Variants in PDE4D observed in about 807,000 individuals in gnomAD.
PDE4D encodes the protein phosphodiesterase 4D.
In PDE4D, 24 loss-of-function variants were observed where a neutral mutation model predicts 87.4. That is an observed-to-expected ratio of 0.27 (90% CI 0.20 to 0.39). PDE4D has a LOEUF of 0.39. Among genes scored for constraint, PDE4D ranks in the 10% least tolerant of loss-of-function variants. PDE4D has a pLI of 1.00. For synonymous variants in PDE4D, 384 were observed against 383.2 expected (o/e 1.00, Z -0.02); for missense variants, 714 against 1,041.0 (o/e 0.69, Z 4.32).
chr5:59,078,179 G>A (rs1428343139), intron 5 of PDE4D, among the ~76,000 whole-genome samples: 1 of 152,048 alleles, frequency 6.6e-6, no homozygotes, highest in African/African-American at 2.4e-5. Flanking sequence ...AGTATGGTTT[G>A]CAATATTAAA....
intron 1 of PDE4D, among the ~76,000 whole-genome samples, chr5:59,425,705 T>C (rs1795100282): frequency 1.3e-5 from 2 of 152,210 alleles, no homozygotes; most frequent in African/African-American, 4.8e-5. Flanking sequence ...CTTGTTTTTC[T>C]TTGGTACAGA....
chr5:59,604,742 T>A (rs528532694), intron 1 of PDE4D, among the ~76,000 whole-genome samples: 9 of 152,066 alleles, frequency 5.9e-5, no homozygotes, highest in African/African-American at 2.2e-4. Flanking sequence ...CGTTTAAGAT[T>A]TTTTTTAAAA....
intron 1 of PDE4D, among the ~76,000 whole-genome samples, chr5:59,269,837 T>G (rs1280127449): frequency 6.6e-6 from 1 of 152,088 alleles, no homozygotes; most frequent in East Asian, 1.9e-4. Context: ...AAATATTCAT[T>G]TATATTAACT....
At chr5:59,878,295 A>G (rs953906883) in intron 1 of PDE4D, among the ~76,000 whole-genome samples, 3 of 152,238 alleles carry the variant, frequency 2.0e-5, no homozygotes, top group Admixed American at 1.3e-4. Flanking sequence ...CAAGTGATCT[A>G]TCCACAACAC....
chr5:59,187,082 T>A (rs930396930), intron 3 of PDE4D, among the ~76,000 whole-genome samples: 1 of 152,002 alleles, frequency 6.6e-6, no homozygotes, highest in Non-Finnish European at 1.5e-5. Context: ...TTCCAATACA[T>A]AATAGTTAAG....
At chr5:59,694,850 A>T (rs965837354) in intron 1 of PDE4D, among the ~76,000 whole-genome samples, 6 of 152,200 alleles carry the variant, frequency 3.9e-5, no homozygotes, top group Non-Finnish European at 7.3e-5. Context: ...AGTAACACAC[A>T]TAACAGTCTA....
chr5:60,458,884 G>A (rs1379020509), intron 1 of PDE4D, among the ~76,000 whole-genome samples: 1 of 152,092 alleles, frequency 6.6e-6, no homozygotes, highest in Non-Finnish European at 1.5e-5. Flanking sequence ...CCTAGCGACA[G>A]TCAAATAAAA....
At chr5:59,539,384 C>T (rs1815885755) in intron 1 of PDE4D, among the ~76,000 whole-genome samples, 2 of 152,076 alleles carry the variant, frequency 1.3e-5, no homozygotes, top group African/African-American at 4.8e-5. Context: ...CCACCCTACC[C>T]CCCAAAAAAT....
intron 5 of PDE4D, among the ~76,000 whole-genome samples, chr5:59,146,122 G>A (rs540465444): frequency 9.2e-5 from 14 of 152,196 alleles, no homozygotes; most frequent in South Asian, 2.1e-4. Flanking sequence ...GCAAGATTCC[G>A]TCTCCAATAA....
intron 1 of PDE4D, among the ~76,000 whole-genome samples, chr5:60,408,563 G>A (rs1741772089): frequency 6.6e-6 from 1 of 152,144 alleles, no homozygotes; most frequent in African/African-American, 2.4e-5. Context: ...AGTCTTGCCA[G>A]TTTAATCATA....
chr5:59,735,576 C>A (rs1181440011), intron 1 of PDE4D, among the ~76,000 whole-genome samples: 1 of 152,084 alleles, frequency 6.6e-6, no homozygotes, highest in Non-Finnish European at 1.5e-5. Flanking sequence ...ACATATCTTG[C>A]GTTATTCACC....
intron 1 of PDE4D, among the ~76,000 whole-genome samples, chr5:59,819,710 T>C (rs964183682): frequency 3.9e-5 from 6 of 152,204 alleles, no homozygotes; most frequent in African/African-American, 1.4e-4. Context: ...GGAAAAAGAA[T>C]TTTGAAAATG....
intron 1 of PDE4D, among the ~76,000 whole-genome samples, chr5:60,224,249 A>G (rs1453789217): frequency 6.6e-6 from 1 of 152,082 alleles, no homozygotes; most frequent in Non-Finnish European, 1.5e-5. Context: ...TTCTCTGACC[A>G]AAAGACTTCT....
intron 1 of PDE4D, among the ~76,000 whole-genome samples, chr5:59,816,318 C>A (rs1036016111): frequency 2.0e-5 from 3 of 152,144 alleles, no homozygotes; most frequent in Non-Finnish European, 4.4e-5. Flanking sequence ...ATATATAAAC[C>A]TGATAAGCTC....
At chr5:59,285,379 C>T (rs1202391617) in intron 1 of PDE4D, among the ~76,000 whole-genome samples, 1 of 152,050 alleles carries the variant, frequency 6.6e-6, no homozygotes, top group Non-Finnish European at 1.5e-5. Context: ...CCTTTTGTGG[C>T]ATTTGCTTCA....
At chr5:59,581,849 TATGTTTAATAGGATCGATATCTCATATA>T (rs1824215957) in intron 1 of PDE4D, among the ~76,000 whole-genome samples, 1 of 152,196 alleles carries the variant, frequency 6.6e-6, no homozygotes, top group Admixed American at 6.5e-5. Flanking sequence ...AGAAAAGTTT[TATGTTTAATAGGATCGATATCTCATATA>T]ATGGAAAATC....
rs1371295257 is a variant in PDE4D at position 60,126,408 on chromosome 5, T to A, written c.42+59149A>T. Among the ~76,000 whole-genome samples the A allele has an allele frequency of 1.5e-4, 23 of 152,350 alleles. No individual in the cohort carries two copies. In the South Asian group the frequency reaches 4.6e-3, roughly 30 times the overall value. On this transcript the variant is annotated intron_variant, in intron 2 of 16. Coordinates refer to the PDE4D transcript ENST00000502484. ...AGTGCTGAAGATTACATAGAAATTT[T>A]ATTACATAGATTTTTTATCTGAGTA...
chr5:59,934,799 G>A (rs952975936), intron 3 of PDE4D, among the ~76,000 whole-genome samples: 1 of 152,160 alleles, frequency 6.6e-6, no homozygotes, highest in African/African-American at 2.4e-5. Context: ...TAGATTCAGA[G>A]TGAAATGGCA....
At chr5:60,474,210 G>A (rs1201654496) in intron 1 of PDE4D, among the ~76,000 whole-genome samples, 1 of 145,970 alleles carries the variant, frequency 6.9e-6, no homozygotes, top group African/African-American at 2.5e-5. Flanking sequence ...ATAGTTCTGA[G>A]AGCTGTGAAG....
Sources: gnomAD v4.1 joint callset for allele counts (sites outside exome capture counted in the v4.1 genomes callset) on GRCh38, gnomAD v4.1.1 for gene constraint, MANE v1.5 for transcripts, NCBI Gene and HGNC (gene_info 2026-07-23, HGNC 2026-07-21) for gene names.